The following FRAS1 variants were observed in gnomAD, a reference collection of about 807,000 sequenced individuals.
The protein encoded by FRAS1 is Fraser extracellular matrix complex subunit 1.
Under a neutral mutation model 435.2 loss-of-function variants are expected in FRAS1, and 290 were observed. That is an observed-to-expected ratio of 0.67 (90% confidence interval 0.61 to 0.73). FRAS1 has a LOEUF of 0.73. FRAS1 is among the 30% of genes least tolerant of loss of function. FRAS1 has a pLI of 0.00. For missense variants in FRAS1, 4,860 were observed against 5,001.5 expected (o/e 0.97, Z 0.85); for synonymous variants, 1,800 against 1,851.0 (o/e 0.97, Z 0.71).
At chr4:78,234,079 A>G (rs1724633556) in intron 2 of FRAS1, among the ~76,000 whole-genome samples, 1 of 152,340 alleles carries the variant, frequency 6.6e-6, no homozygotes, top group South Asian at 2.1e-4. Context: ...TGATCAATAA[A>G]TAGTAGCTGC....
rs1244024598 is a variant in FRAS1 at position 78,466,329 on chromosome 4, G to A, written c.7151G>A (p.Arg2384Gln). The part of the protein sequence containing the change: ...TFTMKDIYQN[R>Q]VSYSHDGSNS... ...ACCATGAAAGATATCTACCAGAACCGGGTCAGCTACAGCCATGACGGCAGT... is the reference window on the plus strand; with the variant it reads ...ACCATGAAAGATATCTACCAGAACCAGGTCAGCTACAGCCATGACGGCAGT... Residue 2384 changes from arginine (R) to glutamine (Q), a missense_variant, in exon 50 of 74, where the codon CGG (arginine) becomes CAG (glutamine). Arg to Gln is a conservative substitution (Grantham distance 43). Transcript: ENST00000512123. The A allele has an allele frequency of 1.8e-5, 29 of 1,613,876 alleles. No homozygotes were observed. Among genetic ancestry groups the A allele is most frequent in the East Asian group, 4.5e-5 (2 of 44,868 alleles).
intron 47 of FRAS1, among the ~76,000 whole-genome samples, chr4:78,456,860 G>C (rs905512999): frequency 6.6e-6 from 1 of 152,204 alleles, no homozygotes; most frequent in Non-Finnish European, 1.5e-5. Flanking sequence ...CTGAATCCTT[G>C]CTCTTAGTTT....
chr4:78,289,540 A>G (rs1157574511), intron 14 of FRAS1, among the ~76,000 whole-genome samples: 1 of 152,120 alleles, frequency 6.6e-6, no homozygotes, highest in African/African-American at 2.4e-5. Context: ...GTAGGGCCAT[A>G]GAGTGATCAC....
intron 36 of FRAS1, among the ~76,000 whole-genome samples, chr4:78,429,649 G>A (rs7695507): frequency 0.022 from 3,281 of 152,230 alleles, 120 homozygotes; most frequent in African/African-American, 0.075. Context: ...CAGTTATTTT[G>A]TATATAATTA....
At chr4:78,094,725 A>G (rs927553263) in intron 2 of FRAS1, among the ~76,000 whole-genome samples, 1 of 152,184 alleles carries the variant, frequency 6.6e-6, no homozygotes, top group Non-Finnish European at 1.5e-5. Context: ...CTGTTTATAT[A>G]CTGGCAATTG....
At chr4:78,092,329 C>T (rs752652693) in intron 2 of FRAS1, among the ~76,000 whole-genome samples, 20 of 152,074 alleles carry the variant, frequency 1.3e-4, no homozygotes, top group Non-Finnish European at 1.5e-4. Context: ...AAGACATACC[C>T]GAGACAGGGC....
At chr4:78,540,111 G>A (rs1290603369) in intron 73 of FRAS1, among the ~76,000 whole-genome samples, 1 of 152,192 alleles carries the variant, frequency 6.6e-6, no homozygotes, top group African/African-American at 2.4e-5. Context: ...TTTGTTGAAT[G>A]ACTCCATTTT....
Position 78,372,753 on chromosome 4 carries a change from C to T in FRAS1, c.2905C>T (p.Leu969=). 1 of 1,613,022 alleles carries T rather than the reference C, an allele frequency of 6.2e-7. No individual in the cohort carries two copies. Among genetic ancestry groups the T allele is most frequent in the South Asian group, 1.1e-5 (1 of 91,036 alleles). Residue 969 remains leucine, a synonymous_variant, in exon 24 of 74, where the codon CTG becomes TTG. Coordinates refer to ENST00000512123, the MANE Select transcript of FRAS1 (RefSeq NM_025074.7). The stretch of plus-strand genomic sequence containing the variant: ...GAGCTGCAGTGCATGCAGTGGGCCC[C>T]TGAAAACAGACTGCCTGCAGTGCAT... ...DWSCSACSGP[L]KTDCLQCMDG... is the part of the protein sequence containing the mutation.
At chr4:78,383,809 A>C (rs1410267727) in intron 27 of FRAS1, among the ~76,000 whole-genome samples, 1 of 152,204 alleles carries the variant, frequency 6.6e-6, no homozygotes, top group African/African-American at 2.4e-5. Context: ...GAAAGATAGG[A>C]AACAAAATGT....
chr4:78,278,962 A>AAC (rs1323346893), intron 10 of FRAS1, among the ~76,000 whole-genome samples: 1 of 152,018 alleles, frequency 6.6e-6, no homozygotes, highest in East Asian at 1.9e-4. Context: ...GGACACAGAA[A>AAC]ACACACACAC....
Position 78,522,629 on chromosome 4 carries a change from T to C in FRAS1, c.10649-20T>C. On this transcript the variant is annotated intron_variant, in intron 68 of 73. Transcript: ENST00000512123. ...CTCTACCACAAGTACATTAAATGCA[T>C]GTGTTTCCCCTTCAAATAGGACAGT... is the stretch of plus-strand genomic sequence containing the variant. 2 of 1,584,200 alleles carry C rather than the reference T, an allele frequency of 1.3e-6. No individual in the cohort carries two copies. Among genetic ancestry groups the C allele is most frequent in the Non-Finnish European group, 1.7e-6 (2 of 1,163,600 alleles).
At chr4:78,341,087 C>CAGG (rs968295841) in intron 20 of FRAS1, among the ~76,000 whole-genome samples, 14 of 151,984 alleles carry the variant, frequency 9.2e-5, no homozygotes, top group African/African-American at 3.4e-4. Flanking sequence ...GCCCATGGAA[C>CAGG]AGGACCCTGA....
intron 2 of FRAS1, among the ~76,000 whole-genome samples, chr4:78,114,804 A>G (rs189302262): frequency 2.0e-5 from 3 of 152,340 alleles, no homozygotes; most frequent in African/African-American, 7.2e-5. Flanking sequence ...TCTTTTCCTA[A>G]TTGAAAAATC....
intron 2 of FRAS1, among the ~76,000 whole-genome samples, chr4:78,127,504 G>C (rs773086767): frequency 6.6e-5 from 10 of 152,188 alleles, no homozygotes; most frequent in Non-Finnish European, 1.2e-4. Flanking sequence ...TAGCACTGGG[G>C]TGGAGAAGAG....
At chr4:78,096,540 A>G (rs1327281591) in intron 2 of FRAS1, among the ~76,000 whole-genome samples, 1 of 152,124 alleles carries the variant, frequency 6.6e-6, no homozygotes, top group Admixed American at 6.5e-5. Flanking sequence ...AGGCATTTCC[A>G]TACATCCTAT....
At chr4:78,312,504 T>C (rs1015417431) in intron 15 of FRAS1, among the ~76,000 whole-genome samples, 41 of 152,106 alleles carry the variant, frequency 2.7e-4, no homozygotes, top group African/African-American at 9.2e-4. Context: ...TTCATAAGCT[T>C]TAGAGCACAT....
Position 78,264,898 on chromosome 4 carries a change from A to G in FRAS1, c.604-127A>G, listed in dbSNP as rs552587413. 1.4e-4 allele frequency: 99 copies of G among 706,266 alleles called. 1 individual carries two copies. Among genetic ancestry groups the G allele is most frequent in the South Asian group, 1.4e-3 (93 of 66,878 alleles). The allele number at this position is 706,266 out of a possible 1,614,324, so 43.7% of individuals were successfully genotyped here. ...GTCCCAGGTGACTAAGAAATGTTAA[A>G]TGAGAGGCAAGTGCTGTTATAGATG... On this transcript the variant is annotated intron_variant, in intron 6 of 73. Coordinates refer to ENST00000512123, the MANE Select transcript of FRAS1 (RefSeq NM_025074.7).
chr4:78,228,312 G>T (rs997719128), intron 2 of FRAS1, among the ~76,000 whole-genome samples: 3 of 152,136 alleles, frequency 2.0e-5, no homozygotes, highest in African/African-American at 7.2e-5. Flanking sequence ...GAAAGATGAG[G>T]CACATGTTTT....
intron 2 of FRAS1, among the ~76,000 whole-genome samples, chr4:78,070,271 A>G (rs1191336175): frequency 6.7e-6 from 1 of 149,118 alleles, no homozygotes; most frequent in Non-Finnish European, 1.5e-5. Context: ...ATATATATAT[A>G]TATACCTCCC....
Sources: gnomAD v4.1 joint callset for allele counts (sites outside exome capture counted in the v4.1 genomes callset) on GRCh38, gnomAD v4.1.1 for gene constraint, MANE v1.5 for transcripts, NCBI Gene and HGNC (gene_info 2026-07-23, HGNC 2026-07-21) for gene names.